ADGRL2: variants seen among roughly 807,000 people sequenced by gnomAD.
ADGRL2 encodes adhesion G protein-coupled receptor L2, also known as calcium-independent alpha-latrotoxin receptor 2.
In ADGRL2, 44 loss-of-function variants were observed where a neutral mutation model predicts 157.4. The ratio of observed to expected loss-of-function variants is 0.28; its 90% CI spans 0.22 to 0.36. The LOEUF is 0.36. Among genes scored for constraint, ADGRL2 ranks in the 10% least tolerant of loss-of-function variants. The probability of loss-of-function intolerance (pLI) is 1.00; values close to 1 mark genes in which losing one functional copy is unlikely to be tolerated. For missense variants in ADGRL2, 1,510 were observed against 1,768.9 expected (o/e 0.85, Z 2.63); for synonymous variants, 585 against 624.7 (o/e 0.94, Z 0.95).
chr1:81,491,651 A>C (rs2078635624), intron 2 of ADGRL2, among the ~76,000 whole-genome samples: 1 of 152,212 alleles, frequency 6.6e-6, no homozygotes, highest in African/African-American at 2.4e-5. Context: ...GTAAAAAGAA[A>C]GAAAGGAAAT....
intron 1 of ADGRL2, among the ~76,000 whole-genome samples, chr1:81,353,802 G>C (rs1462456301): frequency 1.3e-5 from 2 of 152,178 alleles, no homozygotes; most frequent in Non-Finnish European, 2.9e-5. Flanking sequence ...TATGGCTCTG[G>C]ATCTCACAAG....
At chr1:81,902,969 A>G (rs1158102571) in intron 2 of ADGRL2, among the ~76,000 whole-genome samples, 1 of 152,194 alleles carries the variant, frequency 6.6e-6, no homozygotes, top group African/African-American at 2.4e-5. Context: ...TTTTAAGAAA[A>G]CAGAGCAAGT....
intron 1 of ADGRL2, among the ~76,000 whole-genome samples, chr1:81,750,849 T>C (rs538228600): frequency 6.6e-6 from 1 of 152,302 alleles, no homozygotes; most frequent in Non-Finnish European, 1.5e-5. Context: ...ATGTAATATG[T>C]GGATGGATAG....
chr1:81,906,966 T>TTTATC, intron 2 of ADGRL2, 51 bp from the exon 3 acceptor site: 2 of 1,405,088 alleles, frequency 1.4e-6, no homozygotes, highest in African/African-American at 1.4e-5. Context: ...ACTAAAATAA[T>TTTATC]TTATCTTATA....
chr1:81,763,831 AC>A (rs1439167080), intron 2 of ADGRL2, among the ~76,000 whole-genome samples: 6 of 151,306 alleles, frequency 4.0e-5, no homozygotes, highest in African/African-American at 1.5e-4. Context: ...ACATGGTGAA[AC>A]CCCGTCTCTA....
chr1:81,443,084 G>A (rs1168542392), intron 1 of ADGRL2, among the ~76,000 whole-genome samples: 3 of 152,138 alleles, frequency 2.0e-5, no homozygotes, highest in Non-Finnish European at 4.4e-5. Context: ...ACTCTAAAAT[G>A]TATAAATGAT....
Position 81,610,261 on chromosome 1 carries a change from G to A in ADGRL2, c.-143+29281G>A, listed in dbSNP as rs2081515550. Among the ~76,000 whole-genome samples the A allele has an allele frequency of 2.2e-5, 3 of 137,170 alleles. No homozygotes were observed. The South Asian group carries it at 6.7e-4, about 31-fold the overall frequency. 90.0% of individuals were successfully genotyped at this position (137,170 alleles called of 152,430 possible). On this transcript the variant is annotated intron_variant, in intron 3 of 24. Coordinates refer to the ADGRL2 transcript ENST00000370721. ...TTTTTTTTTTTTTGAAGGTCTCTAG[G>A]AGAAGGACAGTGGGACAGCGATACC...
chr1:81,402,530 G>A (rs1200695144), intron 1 of ADGRL2, among the ~76,000 whole-genome samples: 1 of 152,084 alleles, frequency 6.6e-6, no homozygotes, highest in African/African-American at 2.4e-5. Context: ...TAGCCAGCTT[G>A]TTTTAATAAG....
chr1:81,887,613 T>G (rs1424912805), intron 2 of ADGRL2, among the ~76,000 whole-genome samples: 1 of 152,184 alleles, frequency 6.6e-6, no homozygotes, highest in African/African-American at 2.4e-5. Flanking sequence ...ATCCTAAAAA[T>G]CTCTCCCAGT....
At chr1:81,614,321 T>G (rs2148680778) in intron 3 of ADGRL2, among the ~76,000 whole-genome samples, 1 of 152,174 alleles carries the variant, frequency 6.6e-6, no homozygotes, top group East Asian at 1.9e-4. Context: ...AATCAATGGG[T>G]TTTCACTCTC....
At chr1:81,787,512 G>C (rs561928909) in intron 2 of ADGRL2, among the ~76,000 whole-genome samples, 3 of 151,892 alleles carry the variant, frequency 2.0e-5, no homozygotes, top group Non-Finnish European at 4.4e-5. Flanking sequence ...AAAATTAGCC[G>C]GGTGTGGTGG....
At chr1:81,883,025 T>A (rs2094028086) in intron 2 of ADGRL2, among the ~76,000 whole-genome samples, 2 of 152,172 alleles carry the variant, frequency 1.3e-5, no homozygotes, top group Non-Finnish European at 2.9e-5. Context: ...TCTTGACAGC[T>A]CAAACTATCT....
intron 1 of ADGRL2, among the ~76,000 whole-genome samples, chr1:81,349,995 A>G (rs1662769453): frequency 6.6e-6 from 1 of 152,142 alleles, no homozygotes; most frequent in Non-Finnish European, 1.5e-5. Flanking sequence ...GCACCTTCCC[A>G]ACCCATATCA....
intron 2 of ADGRL2, among the ~76,000 whole-genome samples, chr1:81,450,058 T>C (rs2077676749): frequency 6.6e-6 from 1 of 152,184 alleles, no homozygotes; most frequent in Admixed American, 6.5e-5. Context: ...CAAGTTGCTT[T>C]CTTTTGGTTT....
chr1:81,716,005 A>G (rs1309297285), intron 1 of ADGRL2, among the ~76,000 whole-genome samples: 2 of 152,220 alleles, frequency 1.3e-5, no homozygotes, highest in Admixed American at 1.3e-4. Flanking sequence ...ACTGAAATAT[A>G]TGATACCATT....
chr1:81,786,777 G>T (rs576603527), intron 2 of ADGRL2, among the ~76,000 whole-genome samples: 1 of 152,132 alleles, frequency 6.6e-6, no homozygotes, highest in Non-Finnish European at 1.5e-5. Context: ...GTGTTTGGCG[G>T]TTTCTGCTAT....
intron 1 of ADGRL2, among the ~76,000 whole-genome samples, chr1:81,761,503 A>G (rs1394066446): frequency 1.3e-5 from 2 of 151,970 alleles, no homozygotes; most frequent in Admixed American, 6.6e-5. Flanking sequence ...AAAAACTTCA[A>G]ATGAGCTAAA....
intron 2 of ADGRL2, among the ~76,000 whole-genome samples, chr1:81,885,973 A>T (rs2094119448): frequency 6.6e-6 from 1 of 152,196 alleles, no homozygotes; most frequent in African/African-American, 2.4e-5. Flanking sequence ...AATTAACTGG[A>T]TCTTATATTG....
intron 1 of ADGRL2, among the ~76,000 whole-genome samples, chr1:81,739,502 C>G (rs79215386): frequency 6.6e-6 from 1 of 152,110 alleles, no homozygotes; most frequent in Non-Finnish European, 1.5e-5. Flanking sequence ...GCAGAGAGAG[C>G]CAAGGTGAGC....
Sources: gnomAD v4.1 joint callset for allele counts (sites outside exome capture counted in the v4.1 genomes callset) on GRCh38, gnomAD v4.1.1 for gene constraint, MANE v1.5 for transcripts, NCBI Gene and HGNC (gene_info 2026-07-23, HGNC 2026-07-21) for gene names.